Variants in CRYZL1 observed in about 807,000 individuals in gnomAD.
CRYZL1 encodes the protein crystallin zeta like 1.
CRYZL1 carries 34 observed loss-of-function variants against 50.6 expected under a neutral mutation model. The ratio of observed to expected loss-of-function variants is 0.67; its 90% CI spans 0.51 to 0.89. The LOEUF (loss-of-function observed/expected upper bound fraction) is 0.89, where lower values mean the gene tolerates loss of function less well. Among genes scored for constraint, CRYZL1 ranks in the 40% least tolerant of loss-of-function variants. The pLI is 0.00. For synonymous variants in CRYZL1, 125 were observed against 134.3 expected, an observed-to-expected ratio of 0.93 and a Z score of 0.48; for missense variants, 354 against 402.3, an observed-to-expected ratio of 0.88 and a Z score of 1.03.
chr21:33,624,625 C>G, intron 3 of CRYZL1, 58 bp downstream of exon 3: 5 of 1,585,380 alleles, frequency 3.2e-6, no homozygotes, highest in Non-Finnish European at 4.3e-6. Context: ...TATATTTATA[C>G]ACTAAATACA....
At chr21:33,599,342 C>A in intron 8 of CRYZL1, 94 bp from the exon 9 acceptor site, 9 of 1,510,318 alleles carry the variant, frequency 6.0e-6, no homozygotes, top group Non-Finnish European at 6.4e-6. Context: ...AAATAAATAT[C>A]TATTCTTGAA....
At chr21:33,636,982 A>G (rs1413195199) in intron 1 of CRYZL1, among the ~76,000 whole-genome samples, 1 of 152,062 alleles carries the variant, frequency 6.6e-6, no homozygotes, top group Non-Finnish European at 1.5e-5. Context: ...AATTTTTTGT[A>G]TAAAACTCAT....
At chr21:33,603,257 C>T in intron 7 of CRYZL1, 147 bp downstream of exon 7, 4 of 878,920 alleles carry the variant, frequency 4.6e-6, no homozygotes, top group Non-Finnish European at 6.8e-6. Context: ...ATAAAAGCTG[C>T]TTATTATAAC....
chr21:33,630,969 A>G (rs549943702), intron 2 of CRYZL1, among the ~76,000 whole-genome samples: 136 of 152,334 alleles, frequency 8.9e-4, no homozygotes, highest in Non-Finnish European at 1.4e-3. Context: ...AGAGAGTCCA[A>G]TAATGGTTAT....
intron 11 of CRYZL1, among the ~76,000 whole-genome samples, chr21:33,592,213 G>A (rs1270692724): frequency 6.6e-6 from 1 of 150,834 alleles, no homozygotes; most frequent in Non-Finnish European, 1.5e-5. Flanking sequence ...CATGATCATG[G>A]CTCACTGCAG....
chr21:33,635,155 T>C (rs1270563898), intron 1 of CRYZL1, among the ~76,000 whole-genome samples: 1 of 151,664 alleles, frequency 6.6e-6, no homozygotes, highest in Non-Finnish European at 1.5e-5. Context: ...ACTAGGAAAA[T>C]GGTAGAATGG....
intron 5 of CRYZL1, 119 bp downstream of exon 5, chr21:33,616,587 C>A (rs1395633148): frequency 1.3e-6 from 2 of 1,554,932 alleles, no homozygotes; most frequent in Non-Finnish European, 1.7e-6. Flanking sequence ...CCACAGCACC[C>A]AGCCGGGAAA....
intron 3 of CRYZL1, 91 bp from the exon 4 acceptor site, chr21:33,622,159 C>T: frequency 1.0e-6 from 1 of 993,954 alleles, no homozygotes. Context: ...AAAGTCAAAT[C>T]ACAGAAAGAG....
chr21:33,622,117 G>A (rs1194700716), intron 3 of CRYZL1, 49 bp from the exon 4 acceptor site: 1 of 1,415,410 alleles, frequency 7.1e-7, no homozygotes, highest in African/African-American at 1.4e-5. Context: ...AAGAAATCCT[G>A]GACTCCATTA....
intron 1 of CRYZL1, among the ~76,000 whole-genome samples, chr21:33,639,216 T>C (rs2087247378): frequency 6.6e-6 from 1 of 152,180 alleles, no homozygotes; most frequent in South Asian, 2.1e-4. Flanking sequence ...AGTCTAGGGT[T>C]TCTTACATGA....
chr21:33,608,563 A>T lies in CRYZL1; in HGVS notation c.331+4975T>A, dbSNP rs530666946. 6.6e-5 allele frequency among the ~76,000 whole-genome samples: 10 copies of T among 152,284 alleles called. No individual in the cohort carries two copies. The East Asian group carries it at 1.9e-3, about 29-fold the overall frequency. Reference sequence around the variant, plus strand: ...CCAGCCCGCAGCCTCTGTAGCCACCATTCTACTCTCTGCCTCTATGAGTTT... The same window carrying T: ...CCAGCCCGCAGCCTCTGTAGCCACCTTTCTACTCTCTGCCTCTATGAGTTT... On this transcript the variant is annotated intron_variant, in intron 6 of 12. Transcript: ENST00000381554.
intron 6 of CRYZL1, among the ~76,000 whole-genome samples, chr21:33,612,962 T>A (rs553428787): frequency 6.6e-6 from 1 of 152,246 alleles, no homozygotes; most frequent in Admixed American, 6.5e-5. Context: ...TAGCTGGAAT[T>A]ATAGGTGCGT....
chr21:33,616,636 A>C, intron 5 of CRYZL1, 70 bp downstream of exon 5: 1 of 1,601,960 alleles, frequency 6.2e-7, no homozygotes, highest in Non-Finnish European at 8.5e-7. Context: ...GAACATTAAT[A>C]GTTATATAGA....
chr21:33,605,231 T>C (rs1408351464), intron 6 of CRYZL1, among the ~76,000 whole-genome samples: 2 of 152,084 alleles, frequency 1.3e-5, no homozygotes, highest in Non-Finnish European at 2.9e-5. Context: ...CATTTGTTCA[T>C]GTGCTGTAAA....
chr21:33,607,983 T>G (rs1285179205), intron 6 of CRYZL1, among the ~76,000 whole-genome samples: 1 of 152,212 alleles, frequency 6.6e-6, no homozygotes, highest in East Asian at 1.9e-4. Context: ...AAAATGATGC[T>G]ATGATTTACG....
chr21:33,599,564 T>C (rs978037395), intron 8 of CRYZL1, among the ~76,000 whole-genome samples: 1 of 152,128 alleles, frequency 6.6e-6, no homozygotes, highest in Non-Finnish European at 1.5e-5. Context: ...ATAGGATATG[T>C]TGCCAGAATT....
At chr21:33,591,976 GA>G (rs898115624) in intron 11 of CRYZL1, among the ~76,000 whole-genome samples, 50 of 142,960 alleles carry the variant, frequency 3.5e-4, no homozygotes, top group East Asian at 1.6e-3. Context: ...AAAAAAGAAA[GA>G]AAAAAAAAAT....
chr21:33,598,402 A>C (rs573650820), intron 9 of CRYZL1, among the ~76,000 whole-genome samples: 1 of 152,366 alleles, frequency 6.6e-6, no homozygotes, highest in Non-Finnish European at 1.5e-5. Flanking sequence ...CCAAAGTATA[A>C]ATAGAAGCAC....
intron 2 of CRYZL1, among the ~76,000 whole-genome samples, chr21:33,625,978 A>G (rs937974843): frequency 2.7e-5 from 4 of 148,090 alleles, no homozygotes; most frequent in African/African-American, 1.0e-4. Context: ...TTCTTTTTTC[A>G]TTTTTTTTTG....
Sources: allele counts gnomAD v4.1 joint callset (sites outside exome capture counted in the v4.1 genomes callset), GRCh38; gene constraint gnomAD v4.1.1; transcripts MANE v1.5; gene names NCBI Gene and HGNC (gene_info 2026-07-23, HGNC 2026-07-21).